Variants in ALPK1 observed in about 807,000 individuals in gnomAD.
ALPK1 encodes alpha-protein kinase 1.
In ALPK1, 110 loss-of-function variants were observed where a neutral mutation model predicts 120.6. The ratio of observed to expected loss-of-function variants is 0.91; its 90% CI spans 0.78 to 1.07. ALPK1 has a LOEUF of 1.07. Ranked by LOEUF, ALPK1 falls within the 50% of genes least tolerant of loss-of-function variation. The probability of loss-of-function intolerance (pLI) is 0.00; values close to 1 mark genes in which losing one functional copy is unlikely to be tolerated. For missense variants in ALPK1, 1,498 were observed against 1,483.9 expected (o/e 1.01, Z -0.16); for synonymous variants, 582 against 560.3 (o/e 1.04, Z -0.55).
At chr4:112,340,178 T>C (rs976232328) in intron 2 of ALPK1, among the ~76,000 whole-genome samples, 1 of 152,234 alleles carries the variant, frequency 6.6e-6, no homozygotes, top group African/African-American at 2.4e-5. Context: ...CCACATGTAA[T>C]ATAGCCTGTA....
At chr4:112,435,067 G>T (rs1238324719) in intron 11 of ALPK1, 81 bp from the exon 12 acceptor site, 11 of 1,376,476 alleles carry the variant, frequency 8.0e-6, no homozygotes, top group Non-Finnish European at 1.1e-5. Context: ...GCTGGCGTAG[G>T]ACCTGTGTCA....
At chr4:112,310,148 T>C (rs541336421) in intron 1 of ALPK1, among the ~76,000 whole-genome samples, 38 of 152,252 alleles carry the variant, frequency 2.5e-4, no homozygotes, top group Admixed American at 1.2e-3. Flanking sequence ...CAATTTTTTT[T>C]CTTTGAATGA....
intron 1 of ALPK1, among the ~76,000 whole-genome samples, chr4:112,311,535 G>A (rs375101775): frequency 6.6e-6 from 1 of 152,100 alleles, no homozygotes; most frequent in Non-Finnish European, 1.5e-5. Context: ...AACCCTGCTG[G>A]TTACCAGAAC....
intron 1 of ALPK1, among the ~76,000 whole-genome samples, chr4:112,304,114 G>A (rs1266535923): frequency 2.0e-5 from 3 of 152,164 alleles, no homozygotes; most frequent in African/African-American, 7.2e-5. Context: ...ATTCCATGGT[G>A]TATATGTGCC....
At chr4:112,436,999 T>C (rs1734815407) in intron 12 of ALPK1, among the ~76,000 whole-genome samples, 1 of 152,028 alleles carries the variant, frequency 6.6e-6, no homozygotes, top group South Asian at 2.1e-4. Flanking sequence ...AATCTTGAAA[T>C]ACAGAAATCA....
At chr4:112,354,133 T>C (rs1730490433) in intron 2 of ALPK1, among the ~76,000 whole-genome samples, 1 of 152,222 alleles carries the variant, frequency 6.6e-6, no homozygotes, top group Non-Finnish European at 1.5e-5. Context: ...AAGCTACAAA[T>C]ACTGTCTCCC....
rs76686092 is a variant in ALPK1 at position 112,379,207 on chromosome 4, T to G, written c.121+1309T>G. On this transcript the variant is annotated intron_variant, in intron 3 of 15. Coordinates refer to ENST00000650871, the MANE Select transcript of ALPK1 (RefSeq NM_025144.4). ...CTGATGAAGACTCTGAGCTCCCAAT[T>G]GGGTAGCATTTTCTTTTCTTTTTCT... 2.9e-3 allele frequency among the ~76,000 whole-genome samples: 443 copies of G among 152,344 alleles called. 2 individuals are homozygous for G. The highest frequency in any genetic ancestry group is 0.01 in the African/African-American group (419 of 41,574).
intron 6 of ALPK1, 80 bp from the exon 7 acceptor site, chr4:112,425,585 T>G: frequency 2.5e-6 from 3 of 1,197,196 alleles, no homozygotes; most frequent in Non-Finnish European, 3.7e-6. Flanking sequence ...CATGTGCTCA[T>G]GAAGACTTCT....
intron 5 of ALPK1, 39 bp from the exon 6 acceptor site, chr4:112,423,905 T>A (rs1560681556): frequency 6.2e-7 from 1 of 1,609,784 alleles, no homozygotes; most frequent in East Asian, 2.2e-5. Flanking sequence ...AAGTGCATGT[T>A]CAAAGCTAAT....
intron 1 of ALPK1, among the ~76,000 whole-genome samples, chr4:112,314,121 A>G (rs547971919): frequency 1.3e-5 from 2 of 152,310 alleles, no homozygotes; most frequent in South Asian, 4.1e-4. Context: ...GCTTGGTTTT[A>G]GATAAGAGCA....
intron 4 of ALPK1, among the ~76,000 whole-genome samples, chr4:112,391,938 G>GA (rs1560667349): frequency 3.3e-5 from 5 of 149,940 alleles, no homozygotes; most frequent in African/African-American, 1.2e-4. Flanking sequence ...TGCCTCTATA[G>GA]AACAGAAGGC....
rs563355597 is a variant in ALPK1 at position 112,406,730 on chromosome 4, G to C, written c.277-5097G>C. 2.2e-4 allele frequency among the ~76,000 whole-genome samples: 33 copies of C among 151,766 alleles called. No individual in the cohort carries two copies. The South Asian group carries it at 6.9e-3, about 32-fold the overall frequency. On this transcript the variant is annotated intron_variant, in intron 4 of 15. Coordinates refer to ENST00000650871, the MANE Select transcript of ALPK1 (RefSeq NM_025144.4). ...CCTTTCCCTGCCTGTCTGTGTAGAG[G>C]CTGGCCATAAAAAAATTCTCTGTCC...
intron 6 of ALPK1, 98 bp from the exon 7 acceptor site, chr4:112,425,567 T>C: frequency 2.1e-6 from 2 of 950,178 alleles, no homozygotes; most frequent in Admixed American, 4.0e-5. Flanking sequence ...TTTCTCAAAA[T>C]GATGTCACAT....
intron 2 of ALPK1, among the ~76,000 whole-genome samples, chr4:112,351,454 A>T (rs936714188): frequency 1.1e-4 from 17 of 149,264 alleles, no homozygotes; most frequent in African/African-American, 3.9e-4. Context: ...ACTTTGCTTT[A>T]AAAAAAAAAT....
At chr4:112,322,085 T>C (rs1035972749) in intron 2 of ALPK1, among the ~76,000 whole-genome samples, 1 of 152,206 alleles carries the variant, frequency 6.6e-6, no homozygotes, top group Non-Finnish European at 1.5e-5. Flanking sequence ...TTTGTTGGTG[T>C]TGGCATCCTC....
At chr4:112,394,273 G>T (rs1732555364) in intron 4 of ALPK1, among the ~76,000 whole-genome samples, 1 of 152,288 alleles carries the variant, frequency 6.6e-6, no homozygotes, top group Non-Finnish European at 1.5e-5. Context: ...CCCATAGCCT[G>T]CCCCTCTGCT....
At chr4:112,329,639 C>T (rs1729272907) in intron 2 of ALPK1, among the ~76,000 whole-genome samples, 1 of 152,104 alleles carries the variant, frequency 6.6e-6, no homozygotes, top group African/African-American at 2.4e-5. Flanking sequence ...TTTAAAGGCA[C>T]CCATTAGTAG....
Position 112,430,626 on chromosome 4 carries a change from G to T in ALPK1, c.1079G>T (p.Gly360Val). 1 of 1,614,118 alleles carries T rather than the reference G, an allele frequency of 6.2e-7. No individual in the cohort carries two copies. Among genetic ancestry groups the T allele is most frequent in the East Asian group, 2.2e-5 (1 of 44,878 alleles). ...CACAGCTTTGTCAAAGCTGCTTTCG[G>T]TCTCACCACAGTGCACAGAAGGCTC... The part of the protein sequence containing the change: ...ELHSFVKAAF[G>V]LTTVHRRLHG... Residue 360 changes from glycine to valine, a missense_variant, in exon 11 of 16, where the codon GGT becomes GTT. By Grantham distance (109) the Gly-to-Val change is moderately radical. Coordinates refer to ENST00000650871, the MANE Select transcript of ALPK1 (RefSeq NM_025144.4).
intron 2 of ALPK1, among the ~76,000 whole-genome samples, chr4:112,324,831 G>C (rs1215559335): frequency 2.6e-5 from 4 of 152,130 alleles, no homozygotes; most frequent in African/African-American, 4.8e-5. Flanking sequence ...CCCAGAGCTT[G>C]TGGTAGATTG....
Sources: gnomAD v4.1 joint callset for allele counts (sites outside exome capture counted in the v4.1 genomes callset) on GRCh38, gnomAD v4.1.1 for gene constraint, MANE v1.5 for transcripts, NCBI Gene and HGNC (gene_info 2026-07-23, HGNC 2026-07-21) for gene names.